The following NLRP4 variants were observed in gnomAD, a reference collection of about 807,000 sequenced individuals.
The protein encoded by NLRP4 is NLR family pyrin domain containing 4, also known as NACHT, LRR and PYD domains-containing protein 4.
Under a neutral mutation model 84.7 loss-of-function variants are expected in NLRP4, and 44 were observed. That is an observed-to-expected ratio of 0.52 (90% CI 0.41 to 0.67). The LOEUF is 0.67. Ranked by LOEUF, NLRP4 falls within the 30% of genes least tolerant of loss-of-function variation. NLRP4 has a pLI of 0.00. For missense variants in NLRP4, 1,260 were observed against 1,219.4 expected (o/e 1.03, Z -0.50); for synonymous variants, 544 against 476.4 (o/e 1.14, Z -1.85).
In NLRP4 at chr19:55,858,039, A is replaced by G. The variant is rs144371613; in HGVS notation, c.646A>G (p.Ile216Val). The change falls in exon 3 of 10, where the codon ATA becomes GTA. Residue 216 changes from isoleucine (I) to valine (V), a missense_variant. This residue lies in a region of NLRP4 where 712 missense variants were observed against 669.2 expected (regional missense o/e 1.06). Coordinates refer to ENST00000301295, the MANE Select transcript of NLRP4 (RefSeq NM_134444.5). The surrounding 1 kb of genome is among the most constrained non-coding windows in gnomAD (Gnocchi z 4.2). ...AGAGTGGCCTGACCCCGCTGCTCCT[A>G]TAACAGAGATCGTGTCTCAACCGGA... is the stretch of plus-strand genomic sequence containing the variant. ...SREWPDPAAPITEIVSQPERL... is the reference protein window; with the variant it reads ...SREWPDPAAPVTEIVSQPERL... 1.4e-5 allele frequency: 23 copies of G among 1,614,166 alleles called. No individual in the cohort carries two copies. In the African/African-American group the frequency reaches 1.9e-4, roughly 13 times the overall value.
chr19:55,847,871 C>G (rs149769581), intron 1 of NLRP4, among the ~76,000 whole-genome samples: 1 of 152,118 alleles, frequency 6.6e-6, no homozygotes, highest in South Asian at 2.1e-4. Context: ...CCTGCCACCA[C>G]GCCCGGCTAA....
chr19:55,881,166 T>TGTGTGTGTGTGTGTGTGTGTAC (rs1555811540), intron 9 of NLRP4, among the ~76,000 whole-genome samples: 2 of 151,398 alleles, frequency 1.3e-5, no homozygotes, highest in Non-Finnish European at 2.9e-5. Context: ...TGTGTGTGTG[T>TGTGTGTGTGTGTGTGTGTGTAC]ACCTGTCTTT....
intron 6 of NLRP4, 24 bp downstream of exon 6, chr19:55,867,900 A>C: frequency 6.2e-7 from 1 of 1,609,198 alleles, no homozygotes; most frequent in East Asian, 2.2e-5. Context: ...GGGGGTGCCT[A>C]CTGTGGAGGG....
Position 55,852,084 on chromosome 19 carries a change from G to T in NLRP4, c.4G>T (p.Ala2Ser). Residue 2 changes from alanine to serine, a missense_variant, in exon 2 of 10, where the codon GCA (alanine) becomes TCA (serine). Ala to Ser is a moderately conservative substitution (Grantham distance 99). Around this residue, in one of 3 missense-constraint regions of NLRP4, gnomAD observed 712 missense variants for 669.2 expected, o/e 1.06. Transcript: ENST00000301295. The part of the protein sequence containing the change: M[A>S]ASFFSDFGLM... ...TGGTATCTCTGCTCCAGAAAAGATG[G>T]CAGCCTCTTTCTTCTCTGATTTTGG... The T allele has an allele frequency of 6.3e-7, 1 of 1,588,740 alleles. No individual in the cohort carries two copies. Among genetic ancestry groups the T allele is most frequent in the Non-Finnish European group, 8.5e-7 (1 of 1,172,656 alleles).
chr19:55,840,916 AAATGG>A (rs1983590613), intron 1 of NLRP4, among the ~76,000 whole-genome samples: 1 of 152,190 alleles, frequency 6.6e-6, no homozygotes, highest in Admixed American at 6.5e-5. Flanking sequence ...GTCGTGCAAT[AAATGG>A]AATGGATGAA....
chr19:55,864,204 A>T (rs1217549074), intron 5 of NLRP4, among the ~76,000 whole-genome samples: 1 of 152,156 alleles, frequency 6.6e-6, no homozygotes, highest in East Asian at 1.9e-4. Context: ...AAGAAACCCC[A>T]TACCCATTAG....
At chr19:55,856,794 A>G (rs62128164) in intron 2 of NLRP4, among the ~76,000 whole-genome samples, 43,613 of 152,018 alleles carry the variant, frequency 0.29, 6,452 homozygotes, top group East Asian at 0.41. Flanking sequence ...GATTACAGGC[A>G]TGAACCACTG....
chr19:55,857,325 A>ACG (rs139450521), intron 2 of NLRP4: 1 of 261,700 alleles, frequency 3.8e-6, no homozygotes, highest in Non-Finnish European at 7.1e-6. Flanking sequence ...GTAGCAATGA[A>ACG]TGTGTGTGTG....
At chr19:55,877,191 A>G (rs1371593302) in intron 8 of NLRP4, 25 bp downstream of exon 8, 1 of 1,605,078 alleles carries the variant, frequency 6.2e-7, no homozygotes, top group South Asian at 1.1e-5. Flanking sequence ...GCTCCTGGTT[A>G]TGTTTTCATG....
At chr19:55,859,998 T>TTC (rs1984680762) in intron 3 of NLRP4, among the ~76,000 whole-genome samples, 1 of 149,750 alleles carries the variant, frequency 6.7e-6, no homozygotes, top group Non-Finnish European at 1.5e-5. Context: ...TTTTTTTTTT[T>TTC]TTTCTGAAAT....
At chr19:55,871,050 A>G in intron 7 of NLRP4, 53 bp downstream of exon 7, 1 of 1,511,966 alleles carries the variant, frequency 6.6e-7, no homozygotes, top group Non-Finnish European at 9.2e-7. Context: ...AAGGGCATGC[A>G]CTGCTGAGAA....
chr19:55,848,492 C>G (rs989314619), intron 1 of NLRP4, among the ~76,000 whole-genome samples: 3 of 152,146 alleles, frequency 2.0e-5, no homozygotes, highest in Admixed American at 2.0e-4. Context: ...CAACCTCCAC[C>G]TCCTGGGTTC....
rs56806641 is a variant in NLRP4 at position 55,881,136 on chromosome 19, C to CGTGTGTGTGTGTGTGTGTGTGTGTGT, written c.2868-329_2868-304dup. Among the ~76,000 whole-genome samples the CGTGTGTGTGTGTGTGTGTGTGTGTGT allele has an allele frequency of 3.1e-3, 432 of 139,570 alleles. 5 individuals carry two copies. The highest frequency in any genetic ancestry group is 0.011 in the Middle Eastern group (3 of 270). The allele number at this position is 139,570 out of a possible 152,430, so 91.6% of individuals were successfully genotyped here. On this transcript the variant is annotated intron_variant, in intron 9 of 9. Transcript: ENST00000301295. ...AGCTCCTACAAGCTGGTGAGAGCCA[C>CGTGTGTGTGTGTGTGTGTGTGTGTGT]GTGTGTGTGTGTGTGTGTGTGTGTG... is the stretch of plus-strand genomic sequence containing the variant.
intron 1 of NLRP4, among the ~76,000 whole-genome samples, chr19:55,840,857 A>AT (rs1321470984): frequency 6.6e-6 from 1 of 152,168 alleles, no homozygotes; most frequent in Non-Finnish European, 1.5e-5. Context: ...ATGACAACAG[A>AT]TTTTTTTAAA....
intron 1 of NLRP4, among the ~76,000 whole-genome samples, chr19:55,850,254 G>C (rs867317903): frequency 2.6e-5 from 3 of 113,996 alleles, no homozygotes; most frequent in Non-Finnish European, 5.0e-5. Context: ...AATTTCCGAG[G>C]CTGCGGTGTA....
chr19:55,862,947 T>A (rs1984819512), intron 5 of NLRP4, among the ~76,000 whole-genome samples: 2 of 152,354 alleles, frequency 1.3e-5, no homozygotes, highest in South Asian at 4.1e-4. Context: ...CCTTCATGGA[T>A]TCTGGCAGAT....
chr19:55,866,645 G>A (rs1005768092), intron 5 of NLRP4, among the ~76,000 whole-genome samples: 2 of 152,134 alleles, frequency 1.3e-5, no homozygotes, highest in African/African-American at 2.4e-5. Context: ...CTTCTTCCAT[G>A]TTCTTTGAGG....
rs1381893790 is a variant in NLRP4, at chr19:55,874,645, T to G, written c.2526-2351T>G. On this transcript the variant is annotated intron_variant, in intron 7 of 9. Coordinates refer to ENST00000301295, the MANE Select transcript of NLRP4 (RefSeq NM_134444.5). ...ATAGAAAATTCCAGGCTTAGAAGCC[T>G]TCATTGGTGATTCTTACCAGACATT... Among the ~76,000 whole-genome samples, 3 of 152,292 alleles carry G rather than the reference T, an allele frequency of 2.0e-5. No individual in the cohort carries two copies. In the East Asian group the frequency reaches 5.8e-4, roughly 29 times the overall value.
At chr19:55,870,317 T>C (rs543951906) in intron 6 of NLRP4, among the ~76,000 whole-genome samples, 1 of 152,204 alleles carries the variant, frequency 6.6e-6, no homozygotes, top group African/African-American at 2.4e-5. Context: ...ACGATACTTT[T>C]TCCTTCTGCA....
Sources: allele counts gnomAD v4.1 joint callset (sites outside exome capture counted in the v4.1 genomes callset), GRCh38; gene constraint gnomAD v4.1.1; regional missense constraint gnomAD v4.1.1; non-coding constraint Gnocchi (gnomAD v3.1); transcripts MANE v1.5; gene names NCBI Gene and HGNC (gene_info 2026-07-23, HGNC 2026-07-21).